CSE1L: variants seen among roughly 807,000 people sequenced by gnomAD.
CSE1L encodes chromosome segregation 1 like, also known as exportin-2.
A neutral mutation model predicts 120.4 loss-of-function variants in CSE1L; 24 were observed. The observed-to-expected ratio is 0.20, with a 90% CI of 0.14 to 0.28. CSE1L has a LOEUF of 0.28. Among genes scored for constraint, CSE1L ranks in the 10% least tolerant of loss-of-function variants. The pLI is 1.00. For synonymous variants in CSE1L, 402 were observed against 398.3 expected (o/e 1.01, Z -0.11); for missense variants, 830 against 1,145.2 (o/e 0.72, Z 3.97).
At chr20:49,055,431 A>G (rs2091798807) in intron 1 of CSE1L, among the ~76,000 whole-genome samples, 3 of 152,280 alleles carry the variant, frequency 2.0e-5, no homozygotes, top group South Asian at 4.1e-4. Flanking sequence ...TTAAAAATAA[A>G]TGGGTCCCGG....
Position 49,089,226 on chromosome 20 carries a change from GTTTT to G in CSE1L, c.1822-12_1822-9del. The stretch of plus-strand genomic sequence containing the variant: ...AGGTGTGGATTATTAGCATAATTAG[GTTTT>G]TTTTTTTTAATTTCAGAACCCAAGC... On this transcript the variant is annotated splice_polypyrimidine_tract_variant and intron_variant, in intron 17 of 24. Transcript: ENST00000262982. The G allele has an allele frequency of 7.6e-7, 1 of 1,321,704 alleles. No individual in the cohort carries two copies. The highest frequency in any genetic ancestry group is 1.5e-5 in the South Asian group (1 of 67,438). 81.9% of individuals were successfully genotyped at this position (1,321,704 alleles called of 1,614,324 possible).
chr20:49,048,802 G>A (rs1173389591), intron 1 of CSE1L, among the ~76,000 whole-genome samples: 2 of 152,090 alleles, frequency 1.3e-5, no homozygotes, highest in Non-Finnish European at 2.9e-5. Flanking sequence ...TGAGGTGTTG[G>A]GATATGTTCT....
chr20:49,080,951 T>C (rs939547561), intron 14 of CSE1L, among the ~76,000 whole-genome samples: 1 of 151,934 alleles, frequency 6.6e-6, no homozygotes, highest in African/African-American at 2.4e-5. Flanking sequence ...TAATTTTTTA[T>C]ACTTTTTACT....
intron 14 of CSE1L, among the ~76,000 whole-genome samples, chr20:49,079,461 C>CCTG (rs139891499): frequency 0.36 from 54,275 of 151,116 alleles, 10,488 homozygotes; most frequent in African/African-American, 0.52. Context: ...CTCCTGACCT[C>CCTG]AGGTGATCCA....
intron 1 of CSE1L, among the ~76,000 whole-genome samples, chr20:49,047,552 C>CTTTTTTTTTTT (rs1230411564): frequency 2.2e-5 from 2 of 89,802 alleles, no homozygotes; most frequent in African/African-American, 9.3e-5. Context: ...TTTTCTTTTT[C>CTTTTTTTTTTT]TTTTCTCTTT....
chr20:49,051,742 G>T (rs1265609730), intron 1 of CSE1L, among the ~76,000 whole-genome samples: 2 of 152,210 alleles, frequency 1.3e-5, no homozygotes, highest in Non-Finnish European at 2.9e-5. Flanking sequence ...CTGTTGCCCA[G>T]ATTGGAATGC....
intron 1 of CSE1L, among the ~76,000 whole-genome samples, chr20:49,053,659 C>A (rs1002199842): frequency 6.6e-6 from 1 of 152,078 alleles, no homozygotes; most frequent in Non-Finnish European, 1.5e-5. Context: ...CCCAAACTTT[C>A]ATGATTTCAT....
chr20:49,048,434 T>G (rs1194468020), intron 1 of CSE1L, among the ~76,000 whole-genome samples: 2 of 152,092 alleles, frequency 1.3e-5, no homozygotes, highest in African/African-American at 4.8e-5. Flanking sequence ...TCCCTTCCCT[T>G]GAGGACCATG....
At chr20:49,073,328 C>A (rs997566993) in intron 10 of CSE1L, among the ~76,000 whole-genome samples, 1 of 152,180 alleles carries the variant, frequency 6.6e-6, no homozygotes, top group African/African-American at 2.4e-5. Flanking sequence ...TGTTTTTAAA[C>A]AATCGACTTG....
rs778880209 is a variant in CSE1L at position 49,068,602 on chromosome 20, AAAAT to A, written c.568-106_568-103del. On this transcript the variant is annotated intron_variant, in intron 6 of 24. Coordinates refer to ENST00000262982, the MANE Select transcript of CSE1L (RefSeq NM_001316.4). ...CGACAGAGCAAGACTCCGTCTCAAA[AAAAT>A]AAATAAGTAAAATATGAATAGTCTC... 884 of 742,176 alleles carry A rather than the reference AAAAT, an allele frequency of 1.2e-3. 11 individuals are homozygous for A. The highest frequency in any genetic ancestry group is 6.6e-3 in the Middle Eastern group (27 of 4,112). The allele number at this position is 742,176 out of a possible 1,614,324, so 46.0% of individuals were successfully genotyped here.
intron 1 of CSE1L, among the ~76,000 whole-genome samples, chr20:49,055,814 T>G (rs2091802001): frequency 6.6e-6 from 1 of 152,220 alleles, no homozygotes; most frequent in Non-Finnish European, 1.5e-5. Flanking sequence ...AAACTCTCCT[T>G]ATATCTATCA....
rs990949102 is a variant in CSE1L at position 49,089,557 on chromosome 20, T to C, written c.1992T>C (p.Phe664=). Reference sequence around the variant, plus strand: ...CAACAGAATTTATTCCATACGTCTTTCAAGTGATGTCTTTGCTTCTGGAAA... The same window carrying C: ...CAACAGAATTTATTCCATACGTCTTCCAAGTGATGTCTTTGCTTCTGGAAA... ...NDVQEFIPYV[F]QVMSLLLETH... The change falls in exon 19 of 25, where the codon TTT becomes TTC. Residue 664 remains phenylalanine (F), a synonymous_variant. Transcript: ENST00000262982. 5.6e-6 allele frequency: 9 copies of C among 1,614,072 alleles called. No individual in the cohort carries two copies. The African/African-American group carries it at 1.2e-4, about 22-fold the overall frequency.
At chr20:49,075,141 T>G (rs556142708) in intron 11 of CSE1L, among the ~76,000 whole-genome samples, 177 bp from the exon 12 acceptor site, 6 of 152,310 alleles carry the variant, frequency 3.9e-5, no homozygotes, top group Non-Finnish European at 8.8e-5. Flanking sequence ...GGCGGGAATG[T>G]TTTTTTCATT....
chr20:49,088,291 T>A (rs2092075347), intron 17 of CSE1L, among the ~76,000 whole-genome samples, 185 bp downstream of exon 17: 1 of 152,206 alleles, frequency 6.6e-6, no homozygotes, highest in African/African-American at 2.4e-5. Flanking sequence ...AGCAGTCACC[T>A]TTAAGTGTGT....
chr20:49,089,800 G>C, intron 19 of CSE1L, 54 bp downstream of exon 19: 3 of 1,518,562 alleles, frequency 2.0e-6, no homozygotes, highest in Non-Finnish European at 2.7e-6. Context: ...GGAGAAACTG[G>C]GGATGGCAGA....
In CSE1L at chr20:49,063,323, T is replaced by C. The variant is rs537727778; in HGVS notation, c.207T>C (p.Tyr69=). The C allele has an allele frequency of 6.6e-7, 1 of 1,508,640 alleles. No individual in the cohort carries two copies. The highest frequency in any genetic ancestry group is 2.4e-5 in the East Asian group (1 of 41,594). 93.5% of individuals were successfully genotyped at this position (1,508,640 alleles called of 1,614,324 possible). ...GTGCTTCAGTAACATTCAAAAACTA[T>C]ATTAAAAGGAACTGGAGAATTGTAA... ...KVCASVTFKN[Y]IKRNWRIVED... Residue 69 remains tyrosine (Y), a synonymous_variant, in exon 3 of 25, where the codon TAT becomes TAC. Coordinates refer to ENST00000262982, the MANE Select transcript of CSE1L (RefSeq NM_001316.4).
intron 1 of CSE1L, among the ~76,000 whole-genome samples, chr20:49,047,916 C>A (rs2091732857): frequency 6.6e-6 from 1 of 152,132 alleles, no homozygotes; most frequent in Admixed American, 6.6e-5. Flanking sequence ...TCTTTCTCAA[C>A]TGCTAGAATG....
intron 17 of CSE1L, 113 bp from the exon 18 acceptor site, chr20:49,089,133 GT>G (rs1037974126): frequency 1.0e-6 from 1 of 971,160 alleles, no homozygotes; most frequent in Non-Finnish European, 1.4e-6. Flanking sequence ...TATAATTGGT[GT>G]TTTTTTCTTA....
chr20:49,079,051 C>T (rs2091990302), intron 14 of CSE1L, among the ~76,000 whole-genome samples: 1 of 152,018 alleles, frequency 6.6e-6, no homozygotes, highest in African/African-American at 2.4e-5. Flanking sequence ...GCCACCACAC[C>T]TAGCTAATTT....
Sources: allele counts gnomAD v4.1 joint callset (sites outside exome capture counted in the v4.1 genomes callset), GRCh38; gene constraint gnomAD v4.1.1; transcripts MANE v1.5; gene names NCBI Gene and HGNC (gene_info 2026-07-23, HGNC 2026-07-21).